ABCA4: variants seen among roughly 807,000 people sequenced by gnomAD.
The protein encoded by ABCA4 is retinal-specific phospholipid-transporting ATPase ABCA4.
A neutral mutation model predicts 263.7 loss-of-function variants in ABCA4; 196 were observed. The observed-to-expected ratio is 0.74, with a 90% CI of 0.66 to 0.84. ABCA4 has a LOEUF of 0.84. Among genes scored for constraint, ABCA4 ranks in the 40% least tolerant of loss-of-function variants. The probability of loss-of-function intolerance (pLI) is 0.00; values close to 1 mark genes in which losing one functional copy is unlikely to be tolerated. For missense variants in ABCA4, 2,792 were observed against 2,855.1 expected (o/e 0.98, Z 0.50); for synonymous variants, 1,133 against 1,094.2 (o/e 1.04, Z -0.70).
At chr1:93,994,998 GT>G (rs1248891200) in intron 49 of ABCA4, among the ~76,000 whole-genome samples, 71 of 152,186 alleles carry the variant, frequency 4.7e-4, no homozygotes, top group Non-Finnish European at 1.0e-3. Context: ...ACTGCAAGTG[GT>G]TTTTAAAAAT....
At chr1:93,997,432 A>ATTTT (rs112489936) in intron 48 of ABCA4, among the ~76,000 whole-genome samples, 1 of 132,198 alleles carries the variant, frequency 7.6e-6, no homozygotes, top group East Asian at 2.2e-4. Flanking sequence ...TAATTTTCTG[A>ATTTT]TTTTTTTTTT....
Position 94,060,719 on chromosome 1 carries a change from C to A in ABCA4, c.1978G>T (p.Val660Leu). 1 of 1,613,896 alleles carries A rather than the reference C, an allele frequency of 6.2e-7. No individual in the cohort carries two copies. The highest frequency in any genetic ancestry group is 8.5e-7 in the Non-Finnish European group (1 of 1,179,934). Reference protein sequence around the residue: ...ILNRCFPIFMVLAWIYSVSMT... With the variant: ...ILNRCFPIFMLLAWIYSVSMT... The stretch of plus-strand genomic sequence containing the variant: ...GAGACAGAGTAGATCCATGCCAGCA[C>A]CATGAAGATAGGGAAACAGCGGTTC... The change falls in exon 14 of 50, where the codon GTG becomes TTG. Residue 660 changes from valine to leucine, a missense_variant. By Grantham distance (32) the Val-to-Leu change is conservative. Coordinates refer to ENST00000370225, the MANE Select transcript of ABCA4 (RefSeq NM_000350.3).
intron 30 of ABCA4, among the ~76,000 whole-genome samples, chr1:94,028,374 A>T (rs886388849): frequency 4.6e-5 from 7 of 152,226 alleles, no homozygotes; most frequent in Admixed American, 4.6e-4. Flanking sequence ...TAGAACTCCC[A>T]GGACAGGGTG....
rs200186333 is a variant in ABCA4, at chr1:94,051,634, T to C, written c.2652A>G (p.Glu884=). The C allele has an allele frequency of 2.1e-5, 34 of 1,613,360 alleles. No individual in the cohort carries two copies. Among genetic ancestry groups the C allele is most frequent in the Non-Finnish European group, 1.8e-5 (21 of 1,179,284 alleles). The part of the protein sequence containing the change: ...LLQESYWLGG[E]GCSTREERAL... ...AGATTTGTGTTTTAAAGGACTCACC[T>C]TCACCGCCAAGCCAATACGACTCTT... The change falls in exon 17 of 50, where the codon GAA becomes GAG. Residue 884 remains glutamate, a splice_region_variant and synonymous_variant. Transcript: ENST00000370225.
chr1:94,031,932 G>A lies in ABCA4; in HGVS notation c.3974C>T (p.Pro1325Leu), dbSNP rs371582683. ...QDSNVCSPGA[P>L]AAHPEGQPPP... is the part of the protein sequence containing the mutation. Reference sequence around the variant, plus strand: ...AGGCTGGCCCTCTGGGTGAGCAGCCGGCGCCCCTGGGGAGCAGACATTGGA... The same window carrying A: ...AGGCTGGCCCTCTGGGTGAGCAGCCAGCGCCCCTGGGGAGCAGACATTGGA... The change falls in exon 27 of 50, where the codon CCG (proline) becomes CTG (leucine). Residue 1325 changes from proline (P) to leucine (L), a missense_variant. Coordinates refer to ENST00000370225, the MANE Select transcript of ABCA4 (RefSeq NM_000350.3). The A allele has an allele frequency of 4.4e-5, 71 of 1,614,028 alleles. No homozygotes were observed. The highest frequency in any genetic ancestry group is 5.7e-5 in the Non-Finnish European group (67 of 1,180,040).
chr1:94,102,212 A>T (rs1662302624), intron 5 of ABCA4, among the ~76,000 whole-genome samples: 1 of 152,172 alleles, frequency 6.6e-6, no homozygotes, highest in South Asian at 2.1e-4. Flanking sequence ...GAGATTATTT[A>T]AAGGGGTTAG....
At chr1:94,013,601 G>A (rs1659633623) in intron 38 of ABCA4, among the ~76,000 whole-genome samples, 1 of 152,192 alleles carries the variant, frequency 6.6e-6, no homozygotes, top group Non-Finnish European at 1.5e-5. Flanking sequence ...GTGGGGACTG[G>A]GAGTGTGGAG....
chr1:93,998,216 C>A (rs1659067151), intron 47 of ABCA4, 106 bp from the exon 48 acceptor site: 1 of 1,492,464 alleles, frequency 6.7e-7, no homozygotes, highest in Non-Finnish European at 9.3e-7. Flanking sequence ...TTAAGCTCAG[C>A]TTGGTGGCTC....
At chr1:94,045,514 T>A (rs555516527) in intron 19 of ABCA4, among the ~76,000 whole-genome samples, 56 of 152,312 alleles carry the variant, frequency 3.7e-4, no homozygotes, top group African/African-American at 1.3e-3. Flanking sequence ...GATGAAGTAA[T>A]GTGTTTGCCT....
At chr1:94,044,093 C>G (rs1660601681) in intron 20 of ABCA4, among the ~76,000 whole-genome samples, 1 of 14,316 alleles carries the variant, frequency 7.0e-5, no homozygotes, top group African/African-American at 8.6e-5. Context: ...TCCCTCCCTT[C>G]TTTCCTTCCT....
chr1:94,055,172 C>A lies in ABCA4; in HGVS notation c.2526G>T (p.Met842Ile). 6.2e-7 allele frequency: 1 copy of A among 1,614,160 alleles called. No homozygotes were observed. Among genetic ancestry groups the A allele is most frequent in the Non-Finnish European group, 8.5e-7 (1 of 1,180,026 alleles). ...DEFSFLLSMQ[M>I]MLLDAAVYGL... ...CATAGACAGCAGCATCAAGGAGCATCATCTGCATGGACAGCAGGAAGCTGA... is the reference window on the plus strand; with the variant it reads ...CATAGACAGCAGCATCAAGGAGCATAATCTGCATGGACAGCAGGAAGCTGA... Residue 842 changes from methionine to isoleucine, a missense_variant, in exon 16 of 50, where the codon ATG (methionine) becomes ATT (isoleucine). Coordinates refer to ENST00000370225, the MANE Select transcript of ABCA4 (RefSeq NM_000350.3).
intron 22 of ABCA4, 78 bp from the exon 23 acceptor site, chr1:94,041,480 C>T: frequency 1.1e-5 from 17 of 1,527,924 alleles, no homozygotes; most frequent in Non-Finnish European, 1.5e-5. Flanking sequence ...CAGCAATTTC[C>T]TGGCTATATA....
chr1:94,061,691 T>A (rs1449734600), intron 13 of ABCA4, among the ~76,000 whole-genome samples: 1 of 152,236 alleles, frequency 6.6e-6, no homozygotes, highest in Non-Finnish European at 1.5e-5. Flanking sequence ...ACTCCCGTCC[T>A]GATCCTAAAG....
At position 94,031,110 on chromosome 1, in the gene ABCA4, G is replaced by A. The variant is rs61750130; in HGVS notation, c.4139C>T (p.Pro1380Leu). Residue 1380 changes from proline (P) to leucine (L), a missense_variant, in exon 28 of 50, where the codon CCG (proline) becomes CTG (leucine). Physicochemically the swap from Pro to Leu is moderately conservative, Grantham distance 98. Transcript: ENST00000370225. ...CAGAGCCAAAAACACAAAGGTAGCCGGGAGCACGATCTGTGGGAGAATAGA... is the reference window on the plus strand; with the variant it reads ...CAGAGCCAAAAACACAAAGGTAGCCAGGAGCACGATCTGTGGGAGAATAGA... ...HKDFLAQIVLPATFVFLALML... is the reference protein window; with the variant it reads ...HKDFLAQIVLLATFVFLALML... The A allele has an allele frequency of 2.9e-4, 466 of 1,613,962 alleles. No individual in the cohort carries two copies. Among genetic ancestry groups the A allele is most frequent in the Non-Finnish European group, 3.1e-4 (361 of 1,179,992 alleles).
chr1:94,061,023 T>C (rs1005792965), intron 13 of ABCA4, among the ~76,000 whole-genome samples: 4 of 152,152 alleles, frequency 2.6e-5, no homozygotes, highest in Admixed American at 1.3e-4. Context: ...GTCAATAAAA[T>C]TATATCCTCT....
rs1309369142 is a variant in ABCA4 at position 94,077,792 on chromosome 1, C to T, written c.1452G>A (p.Lys484=). The change falls in exon 11 of 50, where the codon AAG becomes AAA. Residue 484 remains lysine (K), a synonymous_variant. Coordinates refer to ENST00000370225, the MANE Select transcript of ABCA4 (RefSeq NM_000350.3). Reference sequence around the variant, plus strand: ...CGTCAGCCTGGCTTTCCCGAGGGCCCTTGTAGAGGAAGTTTAGGATGGCTT... The same window carrying T: ...CGTCAGCCTGGCTTTCCCGAGGGCCTTTGTAGAGGAAGTTTAGGATGGCTT... ...TAEAILNFLY[K]GPRESQADDM... 5.0e-6 allele frequency: 8 copies of T among 1,614,162 alleles called. No homozygotes were observed. In the Admixed American group the frequency reaches 8.3e-5, roughly 17 times the overall value.
At position 94,010,795 on chromosome 1, in the gene ABCA4, C is replaced by T. The variant is rs61751407; in HGVS notation, c.5714+5G>A. 4.2e-4 allele frequency: 672 copies of T among 1,614,076 alleles called. No homozygotes were observed. The highest frequency in any genetic ancestry group is 5.2e-4 in the Non-Finnish European group (609 of 1,180,006). On this transcript the variant is annotated splice_donor_5th_base_variant and intron_variant, in intron 40 of 49. Transcript: ENST00000370225. ...CCACTGGCCCAGGGTGTGGCATGGA[C>T]GTACCATTGGGAGAGGAAGAAGTGG...
intron 6 of ABCA4, among the ~76,000 whole-genome samples, chr1:94,092,187 G>A (rs534788253): frequency 5.3e-4 from 80 of 152,330 alleles, no homozygotes; most frequent in Non-Finnish European, 9.8e-4. Flanking sequence ...GGTTCAATGT[G>A]TCTTTTTGGG....
intron 18 of ABCA4, among the ~76,000 whole-genome samples, chr1:94,047,358 A>G (rs1386289885): frequency 6.6e-6 from 1 of 152,212 alleles, no homozygotes; most frequent in African/African-American, 2.4e-5. Flanking sequence ...AGGGGTAGAC[A>G]TTTATTAGGC....
Sources: gnomAD v4.1 joint callset for allele counts (sites outside exome capture counted in the v4.1 genomes callset) on GRCh38, gnomAD v4.1.1 for gene constraint, MANE v1.5 for transcripts, NCBI Gene and HGNC (gene_info 2026-07-23, HGNC 2026-07-21) for gene names.